The following KIAA1549 variants were observed in gnomAD, a reference collection of about 807,000 sequenced individuals.
The protein encoded by KIAA1549 is KIAA1549.
A neutral mutation model predicts 156.4 loss-of-function variants in KIAA1549; 70 were observed. That is an observed-to-expected ratio of 0.45 (90% CI 0.37 to 0.55). The LOEUF is 0.55. KIAA1549 is among the 20% of genes least tolerant of loss of function. KIAA1549 has a pLI of 0.00. For synonymous variants in KIAA1549, 1,103 were observed against 1,066.4 expected, an observed-to-expected ratio of 1.03 and a Z score of -0.67; for missense variants, 2,428 against 2,540.9, an observed-to-expected ratio of 0.96 and a Z score of 0.96.
At chr7:138,867,927 A>T in intron 15 of KIAA1549, 48 bp downstream of exon 15, 1 of 1,598,276 alleles carries the variant, frequency 6.3e-7, no homozygotes, top group Non-Finnish European at 8.6e-7. Context: ...GCATCTTTCT[A>T]GGAGCCGCCC....
In KIAA1549 at chr7:138,837,367, G is replaced by A. The variant is rs1342545896; in HGVS notation, c.*539C>T. The A allele has an allele frequency of 4.4e-6, 1 of 229,172 alleles. No individual in the cohort carries two copies. The highest frequency in any genetic ancestry group is 5.6e-5 in the Admixed American group (1 of 17,728). The allele number at this position is 229,172 out of a possible 1,614,324, so 14.2% of individuals were successfully genotyped here. On this transcript the variant is annotated 3_prime_UTR_variant, in exon 20 of 20. Transcript: ENST00000422774. ...CAACCTATCATTTGGTTTCTCACTAGTAGCTTTTTAAAATTCCCAAACAGT... is the reference window on the plus strand; with the variant it reads ...CAACCTATCATTTGGTTTCTCACTAATAGCTTTTTAAAATTCCCAAACAGT...
chr7:138,920,165 G>C, intron 1 of KIAA1549, among the ~76,000 whole-genome samples: 1 of 145,240 alleles, frequency 6.9e-6, no homozygotes, highest in Non-Finnish European at 1.5e-5. Flanking sequence ...CGCCTGGAAT[G>C]CCCTTCCCAG....
intron 1 of KIAA1549, among the ~76,000 whole-genome samples, chr7:138,980,326 A>G (rs1164814215): frequency 1.3e-5 from 2 of 152,246 alleles, no homozygotes; most frequent in Non-Finnish European, 2.9e-5. Context: ...TAGGAATTAA[A>G]TCATTTCTTC....
In KIAA1549 at chr7:138,835,987, A is replaced by T. The variant is rs1809695784; in HGVS notation, c.*1919T>A. 1 of 211,264 alleles carries T rather than the reference A, an allele frequency of 4.7e-6. No individual in the cohort carries two copies. Among genetic ancestry groups the T allele is most frequent in the South Asian group, 1.9e-4 (1 of 5,336 alleles). The allele number at this position is 211,264 out of a possible 1,614,324, so 13.1% of individuals were successfully genotyped here. ...AACTTCCCTCATATTGTAAGACTCT[A>T]AATCTGTACAACAGGCTTCATTAAT... On this transcript the variant is annotated 3_prime_UTR_variant, in exon 20 of 20. Coordinates refer to ENST00000422774, the MANE Select transcript of KIAA1549 (RefSeq NM_001164665.2).
chr7:138,883,870 C>T (rs1811316971), intron 10 of KIAA1549, among the ~76,000 whole-genome samples: 1 of 152,204 alleles, frequency 6.6e-6, no homozygotes, highest in Non-Finnish European at 1.5e-5. Flanking sequence ...ATCCCAGTTT[C>T]CTGGTGTACA....
At position 138,844,339 on chromosome 7, in the gene KIAA1549, A is replaced by C; in HGVS notation, c.5430T>G (p.Pro1810=). The C allele has an allele frequency of 1.2e-6, 2 of 1,613,946 alleles. 1 individual carries two copies. Among genetic ancestry groups the C allele is most frequent in the South Asian group, 2.2e-5 (2 of 91,076 alleles). Residue 1810 remains proline, a synonymous_variant, in exon 18 of 20, where the codon CCT becomes CCG. Coordinates refer to ENST00000422774, the MANE Select transcript of KIAA1549 (RefSeq NM_001164665.2). ...YSEEMPSVAR[P]RPVGGTTGSQ... ...TACCTGTGGTACCCCCGACAGGCCG[A>C]GGCCGGGCCACCGACGGCATCTCCT... is the stretch of plus-strand genomic sequence containing the variant.
chr7:138,943,086 G>C (rs939071547), intron 1 of KIAA1549, among the ~76,000 whole-genome samples: 26 of 152,212 alleles, frequency 1.7e-4, no homozygotes, highest in Non-Finnish European at 2.9e-5. Context: ...TCCACCGCGA[G>C]GAAGCTAAGG....
In KIAA1549 at chr7:138,917,874, T is replaced by C. The variant is rs1461252023; in HGVS notation, c.1752A>G (p.Arg584=). 1 of 1,605,140 alleles carries C rather than the reference T, an allele frequency of 6.2e-7. No homozygotes were observed. Among genetic ancestry groups the C allele is most frequent in the Admixed American group, 1.7e-5 (1 of 58,664 alleles). The part of the protein sequence containing the change: ...ANKNTPSLAV[R]DPSVFTPYSL... ...TATAAGGCGTAAAAACACTCGGGTC[T>C]CTGACGGCAAGCGACGGTGTGTTTT... is the stretch of plus-strand genomic sequence containing the variant. Residue 584 remains arginine (R), a synonymous_variant, in exon 2 of 20, where the codon AGA becomes AGG. Transcript: ENST00000422774.
chr7:138,926,389 C>T lies in KIAA1549; in HGVS notation c.188-6951G>A, dbSNP rs114284221. Among the ~76,000 whole-genome samples the T allele has an allele frequency of 1.7e-3, 260 of 152,126 alleles. 1 individual carries two copies. Among genetic ancestry groups the T allele is most frequent in the African/African-American group, 6.0e-3 (248 of 41,500 alleles). On this transcript the variant is annotated intron_variant, in intron 1 of 19. Coordinates refer to ENST00000422774, the MANE Select transcript of KIAA1549 (RefSeq NM_001164665.2). ...GAAATCTCTGCCTCTTAGGTTCACG[C>T]GACTTGTGCCTCAGCCTCCAGAGCA...
At chr7:138,965,336 G>A (rs1212523400) in intron 1 of KIAA1549, among the ~76,000 whole-genome samples, 1 of 152,122 alleles carries the variant, frequency 6.6e-6, no homozygotes, top group African/African-American at 2.4e-5. Context: ...AACTACCAGT[G>A]CGTGCCACGA....
At chr7:138,838,291 T>A in intron 19 of KIAA1549, 131 bp from the exon 20 acceptor site, 2 of 892,476 alleles carry the variant, frequency 2.2e-6, no homozygotes, top group Non-Finnish European at 3.3e-6. Context: ...AACAGGGCCC[T>A]GCTGCCTATG....
At chr7:138,848,956 C>T (rs938667230) in intron 17 of KIAA1549, among the ~76,000 whole-genome samples, 4 of 152,244 alleles carry the variant, frequency 2.6e-5, no homozygotes, top group East Asian at 3.9e-4. Flanking sequence ...TAGTTTCAAA[C>T]GCCTGAGCTT....
intron 12 of KIAA1549, among the ~76,000 whole-genome samples, chr7:138,877,806 C>T (rs1466473391): frequency 1.3e-5 from 2 of 152,188 alleles, no homozygotes; most frequent in Non-Finnish European, 2.9e-5. Flanking sequence ...TTCAAGCTCT[C>T]GGTCCCAGAG....
intron 1 of KIAA1549, among the ~76,000 whole-genome samples, chr7:138,977,909 A>T (rs1302472151): frequency 6.6e-6 from 1 of 152,204 alleles, no homozygotes; most frequent in Non-Finnish European, 1.5e-5. Flanking sequence ...CATGTTGGCC[A>T]GGATGGTCTC....
At chr7:138,857,424 T>A (rs1396289751) in intron 16 of KIAA1549, among the ~76,000 whole-genome samples, 2 of 152,242 alleles carry the variant, frequency 1.3e-5, no homozygotes, top group Non-Finnish European at 2.9e-5. Flanking sequence ...AGTCTTTGTA[T>A]GAAAATATGC....
intron 11 of KIAA1549, among the ~76,000 whole-genome samples, chr7:138,880,659 G>T (rs12114019): frequency 0.46 from 69,463 of 151,908 alleles, 16,814 homozygotes; most frequent in African/African-American, 0.62. Context: ...CTGACGGTGC[G>T]ATGATGGAAA....
chr7:138,858,127 C>T (rs1414246546), intron 16 of KIAA1549, among the ~76,000 whole-genome samples: 3 of 147,252 alleles, frequency 2.0e-5, no homozygotes, highest in African/African-American at 7.4e-5. Context: ...TGTCTGCCTT[C>T]TTTTTTTTTT....
At chr7:138,949,129 C>T (rs1813417981) in intron 1 of KIAA1549, among the ~76,000 whole-genome samples, 1 of 152,172 alleles carries the variant, frequency 6.6e-6, no homozygotes, top group South Asian at 2.1e-4. Context: ...TACAAGTCTC[C>T]ACACTCTCGA....
At position 138,910,053 on chromosome 7, in the gene KIAA1549, G is replaced by C. The variant is rs143436107; in HGVS notation, c.3146-932C>G. Among the ~76,000 whole-genome samples the C allele has an allele frequency of 3.2e-3, 480 of 152,224 alleles. 4 individuals are homozygous for C. Among genetic ancestry groups the C allele is most frequent in the African/African-American group, 0.011 (465 of 41,528 alleles). ...GAAATATGTGTGGGCGAGATGATAC[G>C]ATGCCTGAGATTTACTTTAAAATAG... On this transcript the variant is annotated intron_variant, in intron 4 of 19. Coordinates refer to ENST00000422774, the MANE Select transcript of KIAA1549 (RefSeq NM_001164665.2).
Sources: allele counts gnomAD v4.1 joint callset (sites outside exome capture counted in the v4.1 genomes callset), GRCh38; gene constraint gnomAD v4.1.1; transcripts MANE v1.5; gene names NCBI Gene and HGNC (gene_info 2026-07-23, HGNC 2026-07-21).